Variants in DLEC1 observed in about 807,000 individuals in gnomAD.
DLEC1 encodes the protein DLEC1 cilia and flagella associated protein, also known as deleted in lung and esophageal cancer protein 1.
A neutral mutation model predicts 198.1 loss-of-function variants in DLEC1; 146 were observed. The ratio of observed to expected loss-of-function variants is 0.74; its 90% CI spans 0.64 to 0.85. The LOEUF (loss-of-function observed/expected upper bound fraction) is 0.85, where lower values mean the gene tolerates loss of function less well. Ranked by LOEUF, DLEC1 falls within the 40% of genes least tolerant of loss-of-function variation. The pLI, the probability that DLEC1 is intolerant of heterozygous loss-of-function variation, is 0.00. For synonymous variants in DLEC1, 897 were observed against 866.8 expected, an observed-to-expected ratio of 1.03 and a Z score of -0.61; for missense variants, 2,233 against 2,220.0, an observed-to-expected ratio of 1.01 and a Z score of -0.12.
Position 38,117,987 on chromosome 3 carries a change from A to ACAAGCAG in DLEC1, c.4669_4675dup (p.Leu1559GlnfsTer32). On this transcript the variant is annotated frameshift_variant, in exon 33 of 37. Transcript: ENST00000308059. LOFTEE classifies it high-confidence loss of function. The stretch of plus-strand genomic sequence containing the variant: ...TGTGAGGAGGAGACAGCCTCAGCGG[A>ACAAGCAG]CAAGCAGCTGGTGCTCCAAGCACAG... The ACAAGCAG allele has an allele frequency of 6.2e-7, 1 of 1,612,498 alleles. No homozygotes were observed. The highest frequency in any genetic ancestry group is 8.5e-7 in the Non-Finnish European group (1 of 1,179,268).
chr3:38,093,664 G>A lies in DLEC1; in HGVS notation c.1816G>A (p.Asp606Asn), dbSNP rs1361006026. ...TATTTCTGGTGAAAAAAGCCAGCCA[G>A]ACCCTGGAGAGCTCACAGACTTAAC... ...IYISGEKSQP[D>N]PGELTDLTAQ... The change falls in exon 12 of 37, where the codon GAC (aspartate) becomes AAC (asparagine). Residue 606 changes from aspartate (D) to asparagine (N), a missense_variant. Coordinates refer to ENST00000308059, the MANE Select transcript of DLEC1 (RefSeq NM_007335.4). 1 of 1,614,216 alleles carries A rather than the reference G, an allele frequency of 6.2e-7. No homozygotes were observed. Among genetic ancestry groups the A allele is most frequent in the South Asian group, 1.1e-5 (1 of 91,088 alleles).
chr3:38,111,638 G>A (rs768448641), intron 23 of DLEC1, 39 bp from the exon 24 acceptor site: 7 of 1,587,370 alleles, frequency 4.4e-6, no homozygotes, highest in Middle Eastern at 1.7e-4. Context: ...GGACAGGCTT[G>A]TCTGACTTGA....
At chr3:38,070,227 C>A (rs1249635548) in intron 6 of DLEC1, among the ~76,000 whole-genome samples, 2 of 152,142 alleles carry the variant, frequency 1.3e-5, no homozygotes, top group African/African-American at 4.8e-5. Context: ...CAATTACATC[C>A]TGACATAGAG....
chr3:38,085,435 C>A lies in DLEC1; in HGVS notation c.1423C>A (p.Pro475Thr). The change falls in exon 8 of 37, where the codon CCC (proline) becomes ACC (threonine). Residue 475 changes from proline (P) to threonine (T), a missense_variant. Coordinates refer to ENST00000308059, the MANE Select transcript of DLEC1 (RefSeq NM_007335.4). Reference sequence around the variant, plus strand: ...CCCCCTGCAGGCCCGGAGGCCGCCCCCCGTGCTGACATGTGAGTGTGCACC... The same window carrying A: ...CCCCCTGCAGGCCCGGAGGCCGCCCACCGTGCTGACATGTGAGTGTGCACC... Reference protein sequence around the residue: ...LIPLQARRPPPVLTLSPVLDC... With the variant: ...LIPLQARRPPTVLTLSPVLDC... The A allele has an allele frequency of 6.2e-7, 1 of 1,613,926 alleles. No individual in the cohort carries two copies. The highest frequency in any genetic ancestry group is 1.1e-5 in the South Asian group (1 of 91,088).
intron 19 of DLEC1, among the ~76,000 whole-genome samples, chr3:38,106,574 ACT>A (rs148410063): frequency 0.019 from 2,919 of 152,060 alleles, 86 homozygotes; most frequent in African/African-American, 0.064. Context: ...TGGCCAACAC[ACT>A]GAAACCTCAT....
rs1317261565 is a variant in DLEC1 at position 38,121,329 on chromosome 3, C to CAGGAGGAGCAGTGA, written c.4867-292_4867-279dup. ...GAGGGCTGGGCCTTGGGGGCCACCACAGGAGGAGCAGTGAAGGAGGGCAGA... is the reference window on the plus strand; with the variant it reads ...GAGGGCTGGGCCTTGGGGGCCACCACAGGAGGAGCAGTGAAGGAGGAGCAGTGAAGGAGGGCAGA... On this transcript the variant is annotated intron_variant, in intron 34 of 36. Transcript: ENST00000308059. 2.0e-5 allele frequency among the ~76,000 whole-genome samples: 3 copies of CAGGAGGAGCAGTGA among 152,206 alleles called. No individual in the cohort carries two copies. In the East Asian group the frequency reaches 5.8e-4, roughly 29 times the overall value.
At chr3:38,069,248 A>C (rs942821811) in intron 6 of DLEC1, among the ~76,000 whole-genome samples, 6 of 152,104 alleles carry the variant, frequency 3.9e-5, no homozygotes, top group Non-Finnish European at 8.8e-5. Flanking sequence ...AAAAAACCCA[A>C]AACTTTCCAC....
intron 10 of DLEC1, among the ~76,000 whole-genome samples, chr3:38,091,031 A>T (rs1000532195): frequency 6.6e-6 from 1 of 152,238 alleles, no homozygotes; most frequent in Non-Finnish European, 1.5e-5. Flanking sequence ...GTCTCTCACC[A>T]TATACAAAAA....
chr3:38,085,519 C>T (rs1252044879), intron 8 of DLEC1, 72 bp downstream of exon 8: 38 of 1,564,686 alleles, frequency 2.4e-5, no homozygotes, highest in Non-Finnish European at 3.2e-5. Flanking sequence ...GCCTGCCTCT[C>T]AGGTTCCCTT....
In DLEC1 at chr3:38,114,434, C is replaced by A. The variant is rs866451837; in HGVS notation, c.3759C>A (p.Asp1253Glu). 6.2e-7 allele frequency: 1 copy of A among 1,614,210 alleles called. No homozygotes were observed. Among genetic ancestry groups the A allele is most frequent in the Non-Finnish European group, 8.5e-7 (1 of 1,180,010 alleles). ...SSLRTTSYTI[D>E]QAQKEPAMRF... ...TGAGGACCACCTCCTACACTATTGA[C>A]CAGGCCCAGAAGGAACCAGCCATGA... Residue 1253 changes from aspartate to glutamate, a missense_variant, in exon 26 of 37, where the codon GAC becomes GAA. Physicochemically the swap from Asp to Glu is conservative, Grantham distance 45. Transcript: ENST00000308059.
Position 38,097,922 on chromosome 3 carries a change from T to C in DLEC1, c.2724+20T>C. The C allele has an allele frequency of 6.2e-7, 1 of 1,613,934 alleles. No homozygotes were observed. On this transcript the variant is annotated intron_variant, in intron 18 of 36. Transcript: ENST00000308059. ...GAGGATGTAAGTCAGGCACTGCTGGTTCCTCTGGTGCCCCCACAATGAGCC... is the reference window on the plus strand; with the variant it reads ...GAGGATGTAAGTCAGGCACTGCTGGCTCCTCTGGTGCCCCCACAATGAGCC...
At position 38,122,690 on chromosome 3, in the gene DLEC1, TG is replaced by T; in HGVS notation, c.*280del. The T allele has an allele frequency of 7.1e-7, 1 of 1,410,324 alleles. No homozygotes were observed. The highest frequency in any genetic ancestry group is 9.2e-7 in the Non-Finnish European group (1 of 1,081,260). 87.4% of individuals were successfully genotyped at this position (1,410,324 alleles called of 1,614,324 possible). A position where few individuals can be genotyped will look rare whatever the true frequency, so the allele number is the denominator to read the frequency against. On this transcript the variant is annotated 3_prime_UTR_variant, in exon 37 of 37. Transcript: ENST00000308059. ...AAGACCAGTATGGCAAAATTAGTCT[TG>T]GAAAAAAACCACAGCCACTAAGATA...
chr3:38,119,800 C>T (rs191519746), intron 33 of DLEC1, among the ~76,000 whole-genome samples: 2 of 152,298 alleles, frequency 1.3e-5, no homozygotes, highest in Non-Finnish European at 2.9e-5. Context: ...TCCCAAAGTG[C>T]TGGGATTACA....
At chr3:38,050,685 A>C (rs1053068507) in intron 2 of DLEC1, among the ~76,000 whole-genome samples, 3 of 152,188 alleles carry the variant, frequency 2.0e-5, no homozygotes, top group African/African-American at 4.8e-5. Context: ...CAACTTTAGG[A>C]AAAAATTTCA....
At position 38,114,469 on chromosome 3, in the gene DLEC1, T is replaced by C; in HGVS notation, c.3785+9T>C. ...AAGGAACCAGCCATGAGGTGCTCCA[T>C]GCTCAGCCTGAGCCTCTGCTCCCTG... On this transcript the variant is annotated intron_variant, in intron 26 of 36. Transcript: ENST00000308059. 2.5e-6 allele frequency: 4 copies of C among 1,612,884 alleles called. No individual in the cohort carries two copies. The highest frequency in any genetic ancestry group is 3.4e-6 in the Non-Finnish European group (4 of 1,178,854).
At position 38,039,590 on chromosome 3, in the gene DLEC1, G is replaced by T; in HGVS notation, c.365G>T (p.Gly122Val). 6.2e-7 allele frequency: 1 copy of T among 1,611,758 alleles called. No homozygotes were observed. Among genetic ancestry groups the T allele is most frequent in the Non-Finnish European group, 8.5e-7 (1 of 1,178,532 alleles). ...AGCGCAAGCTTGATCAAGGCCCGCG[G>T]CAGCGAGAATGAGCGCCACGAGGAG... ...EVSASLIKAR[G>V]SENERHEEFV... Residue 122 changes from glycine (G) to valine (V), a missense_variant, in exon 1 of 37, where the codon GGC (glycine) becomes GTC (valine). Physicochemically the swap from Gly to Val is moderately radical, Grantham distance 109. Coordinates refer to ENST00000308059, the MANE Select transcript of DLEC1 (RefSeq NM_007335.4).
rs1700231453 is a variant in DLEC1, at chr3:38,117,343, G to A, written c.4400+41G>A. On this transcript the variant is annotated intron_variant, in intron 31 of 36. Coordinates refer to ENST00000308059, the MANE Select transcript of DLEC1 (RefSeq NM_007335.4). ...TGCCCCATCTCCTTTCATCCCCATG[G>A]GGTGCACCCTCACCAGGCACTGGTG... 3 of 1,609,896 alleles carry A rather than the reference G, an allele frequency of 1.9e-6. No individual in the cohort carries two copies. The South Asian group carries it at 3.3e-5, about 18-fold the overall frequency.
Position 38,044,432 on chromosome 3 carries a change from G to A in DLEC1, c.412-1111G>A, listed in dbSNP as rs559060326. ...CAAAAAATTAGCTGGGCATCATGGC[G>A]GGCACCTGTAATCCCAGCTGCTTCA... On this transcript the variant is annotated intron_variant, in intron 1 of 36. Coordinates refer to ENST00000308059, the MANE Select transcript of DLEC1 (RefSeq NM_007335.4). Among the ~76,000 whole-genome samples, 111 of 151,712 alleles carry A rather than the reference G, an allele frequency of 7.3e-4. 1 individual carries two copies. Among genetic ancestry groups the A allele is most frequent in the Admixed American group, 4.7e-3 (71 of 15,240 alleles).
chr3:38,104,313 C>T (rs572766428), intron 19 of DLEC1, among the ~76,000 whole-genome samples: 15 of 152,048 alleles, frequency 9.9e-5, no homozygotes, highest in Admixed American at 4.6e-4. Context: ...AAAAATTAGC[C>T]GGGTGTGGTG....
Sources: allele counts gnomAD v4.1 joint callset (sites outside exome capture counted in the v4.1 genomes callset), GRCh38; gene constraint gnomAD v4.1.1; transcripts MANE v1.5; gene names NCBI Gene and HGNC (gene_info 2026-07-23, HGNC 2026-07-21).